Variants in MINDY3 observed in about 807,000 individuals in gnomAD.
MINDY3 encodes MINDY lysine 48 deubiquitinase 3, also known as ubiquitin carboxyl-terminal hydrolase MINDY-3.
In MINDY3, 38 loss-of-function variants were observed where a neutral mutation model predicts 69.2. The ratio of observed to expected loss-of-function variants is 0.55; its 90% CI spans 0.42 to 0.72. MINDY3 has a LOEUF of 0.72. Among genes scored for constraint, MINDY3 ranks in the 30% least tolerant of loss-of-function variants. MINDY3 has a pLI of 0.00. For synonymous variants in MINDY3, 192 were observed against 180.1 expected, an observed-to-expected ratio of 1.07 and a Z score of -0.53; for missense variants, 522 against 519.0, an observed-to-expected ratio of 1.01 and a Z score of -0.06.
chr10:15,833,024 A>C (rs1376260353), intron 8 of MINDY3, among the ~76,000 whole-genome samples: 3 of 152,218 alleles, frequency 2.0e-5, no homozygotes, highest in Admixed American at 1.3e-4. Flanking sequence ...TGACCCAGTA[A>C]TAAAGTGAAG....
chr10:15,782,086 A>G (rs11818243), intron 14 of MINDY3, 69 bp downstream of exon 14: 84,744 of 1,126,648 alleles, frequency 0.075, 13,297 homozygotes, highest in African/African-American at 0.6. Context: ...GGAATCGAAC[A>G]TTGTTACATA....
chr10:15,788,959 C>T (rs566943078), intron 12 of MINDY3: 33 of 239,272 alleles, frequency 1.4e-4, no homozygotes, highest in African/African-American at 5.3e-4. Flanking sequence ...AATTTTAAGA[C>T]GTGGGGAAGT....
intron 8 of MINDY3, among the ~76,000 whole-genome samples, chr10:15,822,257 T>C (rs1839817237): frequency 6.6e-6 from 1 of 152,094 alleles, no homozygotes; most frequent in Admixed American, 6.5e-5. Flanking sequence ...TAAAGAAGAA[T>C]AGAAAATGAT....
chr10:15,833,849 A>C (rs915903403), intron 7 of MINDY3, 140 bp from the exon 8 acceptor site: 20 of 640,674 alleles, frequency 3.1e-5, no homozygotes, highest in Non-Finnish European at 4.4e-5. Context: ...TTACATTTTC[A>C]ATTTTATATA....
chr10:15,795,043 A>C (rs1320363491), intron 11 of MINDY3, among the ~76,000 whole-genome samples: 2 of 152,164 alleles, frequency 1.3e-5, no homozygotes, highest in African/African-American at 2.4e-5. Flanking sequence ...TAGTAAAACA[A>C]AACACAACAC....
chr10:15,839,117 T>G (rs578235078), intron 4 of MINDY3, among the ~76,000 whole-genome samples: 1 of 151,838 alleles, frequency 6.6e-6, no homozygotes, highest in East Asian at 1.9e-4. Context: ...AAGCAAATCT[T>G]ACTACTATCA....
At chr10:15,809,725 C>A (rs1041930729) in intron 10 of MINDY3, among the ~76,000 whole-genome samples, 2 of 152,100 alleles carry the variant, frequency 1.3e-5, no homozygotes, top group African/African-American at 4.8e-5. Flanking sequence ...CTGTGATATT[C>A]TCCCTCAGTA....
intron 1 of MINDY3, among the ~76,000 whole-genome samples, chr10:15,855,929 AAAAC>A (rs1208877920): frequency 6.6e-6 from 1 of 152,196 alleles, no homozygotes; most frequent in Non-Finnish European, 1.5e-5. Flanking sequence ...TTTGAATAAT[AAAAC>A]AAATTATATA....
intron 10 of MINDY3, among the ~76,000 whole-genome samples, chr10:15,797,090 C>T (rs1414114337): frequency 7.2e-5 from 11 of 152,026 alleles, no homozygotes; most frequent in Non-Finnish European, 1.5e-4. Flanking sequence ...CCTGTGAACA[C>T]AATTTTTGCA....
At chr10:15,856,095 A>T (rs999715861) in intron 1 of MINDY3, among the ~76,000 whole-genome samples, 20 of 152,132 alleles carry the variant, frequency 1.3e-4, no homozygotes, top group African/African-American at 4.8e-4. Flanking sequence ...CAACAAAAAA[A>T]CTTTTAAACG....
At chr10:15,805,633 G>A (rs547922615) in intron 10 of MINDY3, among the ~76,000 whole-genome samples, 1 of 152,212 alleles carries the variant, frequency 6.6e-6, no homozygotes, top group East Asian at 1.9e-4. Context: ...TCTCTGAAAT[G>A]GGCCTACTTC....
intron 11 of MINDY3, among the ~76,000 whole-genome samples, chr10:15,795,892 C>A (rs563417006): frequency 3.3e-5 from 5 of 152,054 alleles, no homozygotes; most frequent in African/African-American, 9.6e-5. Context: ...TTCAGTACTC[C>A]AAGAAACACA....
chr10:15,803,100 T>A (rs994789980), intron 10 of MINDY3, among the ~76,000 whole-genome samples: 2 of 152,184 alleles, frequency 1.3e-5, no homozygotes, highest in African/African-American at 4.8e-5. Flanking sequence ...TGGATCACTG[T>A]AGAAAATGAT....
intron 11 of MINDY3, among the ~76,000 whole-genome samples, chr10:15,795,198 C>T (rs1344861350): frequency 1.3e-5 from 2 of 151,994 alleles, no homozygotes; most frequent in African/African-American, 2.4e-5. Flanking sequence ...ATATTCATAA[C>T]GCCTCTAAGA....
intron 12 of MINDY3, among the ~76,000 whole-genome samples, chr10:15,787,324 AAGAAGAAGGC>A (rs1307749873): frequency 5.9e-5 from 9 of 152,050 alleles, no homozygotes; most frequent in African/African-American, 1.7e-4. Context: ...AGAAAGAAGG[AAGAAGAAGGC>A]AGAAGAAGGC....
chr10:15,842,944 C>T (rs1303591794), intron 3 of MINDY3, among the ~76,000 whole-genome samples: 2 of 149,466 alleles, frequency 1.3e-5, no homozygotes, highest in African/African-American at 2.5e-5. Flanking sequence ...TTATGGCATG[C>T]TGCCACCTAA....
intron 10 of MINDY3, among the ~76,000 whole-genome samples, chr10:15,810,033 C>T (rs114608129): frequency 0.035 from 5,397 of 152,034 alleles, 307 homozygotes; most frequent in African/African-American, 0.12. Context: ...AATGATGATT[C>T]TCAAGTAAAA....
intron 1 of MINDY3, among the ~76,000 whole-genome samples, chr10:15,852,755 T>C (rs1020664506): frequency 2.6e-5 from 4 of 151,908 alleles, no homozygotes; most frequent in African/African-American, 9.7e-5. Context: ...GAAAGAGAAA[T>C]AGTAAAAGCA....
chr10:15,782,258 AATTAT>A (rs1836602976), intron 13 of MINDY3, 32 bp from the exon 14 acceptor site: 1 of 1,404,876 alleles, frequency 7.1e-7, no homozygotes, highest in East Asian at 2.3e-5. Context: ...TAACACTTTA[AATTAT>A]ATTTATATCA....
Sources: allele counts gnomAD v4.1 joint callset (sites outside exome capture counted in the v4.1 genomes callset), GRCh38; gene constraint gnomAD v4.1.1; transcripts MANE v1.5; gene names NCBI Gene and HGNC (gene_info 2026-07-23, HGNC 2026-07-21).